The following DSC3 variants were observed in gnomAD, a reference collection of about 807,000 sequenced individuals.
The protein encoded by DSC3 is desmocollin 3.
Under a neutral mutation model 89.5 loss-of-function variants are expected in DSC3, and 97 were observed. The ratio of observed to expected loss-of-function variants is 1.08; its 90% confidence interval spans 0.92 to 1.28. The LOEUF is 1.28. Ranked by LOEUF, DSC3 falls within the 50% of genes most tolerant of loss-of-function variation. The probability of loss-of-function intolerance (pLI) is 0.00; values close to 1 mark genes in which losing one functional copy is unlikely to be tolerated. For synonymous variants in DSC3, 436 were observed against 384.1 expected, an observed-to-expected ratio of 1.14 and a Z score of -1.58; for missense variants, 1,199 against 1,085.3, an observed-to-expected ratio of 1.10 and a Z score of -1.47.
Position 31,008,557 on chromosome 18 carries a change from A to G in DSC3, c.1264-32T>C, listed in dbSNP as rs767735119. Reference sequence around the variant, plus strand: ...AATAAAGTCCATGTATATCAGTGTCAGTGTAAAATACATCTGGCATTTCAA... The same window carrying G: ...AATAAAGTCCATGTATATCAGTGTCGGTGTAAAATACATCTGGCATTTCAA... On this transcript the variant is annotated intron_variant, in intron 9 of 15. Transcript: ENST00000360428. 1.2e-5 allele frequency: 19 copies of G among 1,611,972 alleles called. No homozygotes were observed. The South Asian group carries it at 1.9e-4, about 16-fold the overall frequency.
chr18:31,008,614 T>C, intron 9 of DSC3, 89 bp from the exon 10 acceptor site: 1 of 1,516,554 alleles, frequency 6.6e-7, no homozygotes, highest in Non-Finnish European at 9.1e-7. Context: ...TCCTGACCAG[T>C]GCTGCATAAA....
chr18:31,023,610 G>T (rs549225138), intron 6 of DSC3, among the ~76,000 whole-genome samples: 1 of 152,126 alleles, frequency 6.6e-6, no homozygotes, highest in Admixed American at 6.6e-5. Context: ...TAATATTGCA[G>T]TGAAGATCTA....
chr18:31,039,741 T>C (rs1375838054), intron 1 of DSC3, among the ~76,000 whole-genome samples: 1 of 152,152 alleles, frequency 6.6e-6, no homozygotes, highest in East Asian at 1.9e-4. Context: ...GATCCAAAAA[T>C]GTGCATGAGC....
In DSC3 at chr18:30,994,386, T is replaced by A; in HGVS notation, c.2494-14A>T. On this transcript the variant is annotated splice_polypyrimidine_tract_variant and intron_variant, in intron 15 of 15. Transcript: ENST00000360428. ...TCGATGCAATTTCTGTAAAATTTTT[T>A]AAAAAATGAATTGCATTATAGTTTT... 2 of 1,612,420 alleles carry A rather than the reference T, an allele frequency of 1.2e-6. No individual in the cohort carries two copies. Among genetic ancestry groups the A allele is most frequent in the Non-Finnish European group, 1.7e-6 (2 of 1,178,962 alleles).
chr18:31,032,371 C>T, intron 1 of DSC3, 95 bp from the exon 2 acceptor site: 1 of 946,420 alleles, frequency 1.1e-6, no homozygotes, highest in South Asian at 1.4e-5. Context: ...CTGACAAAGT[C>T]CAACACCCAT....
At chr18:30,995,971 TA>T (rs1196444633) in intron 15 of DSC3, among the ~76,000 whole-genome samples, 9,498 of 36,592 alleles carry the variant, frequency 0.26, 249 homozygotes, top group Non-Finnish European at 0.28. Context: ...GACCCTGCCT[TA>T]AAAAAAAAAA....
intron 6 of DSC3, among the ~76,000 whole-genome samples, chr18:31,024,086 C>T (rs1985513691): frequency 2.6e-5 from 4 of 152,086 alleles, no homozygotes; most frequent in African/African-American, 9.7e-5. Flanking sequence ...AATATATAAA[C>T]TGAATATTAC....
rs1333515702 is a variant in DSC3, at chr18:31,008,530, A to G, written c.1264-5T>C. The G allele has an allele frequency of 3.1e-6, 5 of 1,613,982 alleles. No homozygotes were observed. Among genetic ancestry groups the G allele is most frequent in the Non-Finnish European group, 3.4e-6 (4 of 1,180,008 alleles). ...GTTTTCTTCATAATTCAGTGGCTTT[A>G]AAATAAAGTCCATGTATATCAGTGT... On this transcript the variant is annotated splice_polypyrimidine_tract_variant and splice_region_variant and intron_variant, in intron 9 of 15. Coordinates refer to ENST00000360428, the MANE Select transcript of DSC3 (RefSeq NM_001941.5).
chr18:31,022,195 A>G, intron 7 of DSC3, 141 bp downstream of exon 7: 1 of 1,034,292 alleles, frequency 9.7e-7, no homozygotes, highest in Non-Finnish European at 1.4e-6. Flanking sequence ...TATAAAAAAC[A>G]GAAAAAATTG....
chr18:31,030,640 T>G (rs1057185763), intron 3 of DSC3, among the ~76,000 whole-genome samples: 1 of 150,484 alleles, frequency 6.6e-6, no homozygotes, highest in African/African-American at 2.5e-5. Context: ...TCAACAAGTG[T>G]TAAGAAAGAG....
In DSC3 at chr18:31,001,753, T is replaced by A; in HGVS notation, c.2114-14A>T. The A allele has an allele frequency of 6.4e-7, 1 of 1,570,644 alleles. No individual in the cohort carries two copies. On this transcript the variant is annotated splice_polypyrimidine_tract_variant and intron_variant, in intron 13 of 15. Coordinates refer to ENST00000360428, the MANE Select transcript of DSC3 (RefSeq NM_001941.5). ...TTAGCAATACAGCTGAATTTAAAAA[T>A]AAAAATAAAATAACTTACTTTAGCA...
At position 31,007,015 on chromosome 18, in the gene DSC3, T is replaced by C. The variant is rs1984869336; in HGVS notation, c.1780A>G (p.Ile594Val). ...GGTTCATCAGGATCAACAGCTAAAA[T>C]GTCGGTATACCCCATTTTTGGTTTG... is the stretch of plus-strand genomic sequence containing the variant. ...ICKPKMGYTD[I>V]LAVDPDEPVH... Residue 594 changes from isoleucine to valine, a missense_variant, in exon 12 of 16, where the codon ATT (isoleucine) becomes GTT (valine). Physicochemically the swap from Ile to Val is conservative, Grantham distance 29. Coordinates refer to ENST00000360428, the MANE Select transcript of DSC3 (RefSeq NM_001941.5). 3.7e-6 allele frequency: 6 copies of C among 1,613,864 alleles called. No homozygotes were observed. The highest frequency in any genetic ancestry group is 2.7e-5 in the African/African-American group (2 of 74,932).
chr18:31,039,716 T>C (rs1315925576), intron 1 of DSC3, among the ~76,000 whole-genome samples: 1 of 152,106 alleles, frequency 6.6e-6, no homozygotes, highest in African/African-American at 2.4e-5. Flanking sequence ...AGGACTGCCA[T>C]GGGAATTACA....
intron 9 of DSC3, among the ~76,000 whole-genome samples, chr18:31,010,504 C>T (rs963078610): frequency 1.3e-5 from 2 of 152,294 alleles, no homozygotes; most frequent in South Asian, 4.1e-4. Context: ...TAGCTTAAAA[C>T]TCTCCAAAAT....
At chr18:31,032,875 G>T (rs1263608776) in intron 1 of DSC3, among the ~76,000 whole-genome samples, 1 of 152,052 alleles carries the variant, frequency 6.6e-6, no homozygotes, top group African/African-American at 2.4e-5. Flanking sequence ...ATCCAAATTG[G>T]AAAGGAAAAG....
At chr18:30,998,332 T>C (rs75173723) in intron 14 of DSC3, among the ~76,000 whole-genome samples, 2,902 of 152,234 alleles carry the variant, frequency 0.019, 100 homozygotes, top group African/African-American at 0.067. Context: ...TTCTTTTGTG[T>C]TCCATGAAGG....
intron 1 of DSC3, among the ~76,000 whole-genome samples, chr18:31,034,318 T>C (rs912167124): frequency 6.6e-6 from 1 of 152,128 alleles, no homozygotes; most frequent in Non-Finnish European, 1.5e-5. Flanking sequence ...AGGGAAATGG[T>C]AATCTAAACC....
chr18:30,998,726 G>A (rs114486098), intron 14 of DSC3, among the ~76,000 whole-genome samples: 2,051 of 152,252 alleles, frequency 0.013, 42 homozygotes, highest in African/African-American at 0.037. Flanking sequence ...AAAGTGGCAG[G>A]ACCCTGAAGC....
At chr18:31,036,153 C>A (rs2144738328) in intron 1 of DSC3, among the ~76,000 whole-genome samples, 1 of 152,282 alleles carries the variant, frequency 6.6e-6, no homozygotes, top group Middle Eastern at 3.4e-3. Context: ...TGCCAAGTTG[C>A]TCTACAAAGT....
Sources: allele counts gnomAD v4.1 joint callset (sites outside exome capture counted in the v4.1 genomes callset), GRCh38; gene constraint gnomAD v4.1.1; transcripts MANE v1.5; gene names NCBI Gene and HGNC (gene_info 2026-07-23, HGNC 2026-07-21).